Variants in WDR7 observed in about 807,000 individuals in gnomAD.
WDR7 encodes WD repeat-containing protein 7.
A neutral mutation model predicts 169.4 loss-of-function variants in WDR7; 46 were observed. The observed-to-expected ratio is 0.27, with a 90% CI of 0.21 to 0.35. The LOEUF is 0.35. Ranked by LOEUF, WDR7 falls within the 10% of genes least tolerant of loss-of-function variation. The pLI, the probability that WDR7 is intolerant of heterozygous loss-of-function variation, is 1.00. For missense variants in WDR7, 1,534 were observed against 1,859.3 expected, an observed-to-expected ratio of 0.83 and a Z score of 3.22; for synonymous variants, 612 against 666.8, an observed-to-expected ratio of 0.92 and a Z score of 1.27.
chr18:56,782,616 A>T (rs67025826), intron 19 of WDR7, among the ~76,000 whole-genome samples: 11,077 of 152,212 alleles, frequency 0.073, 488 homozygotes, highest in East Asian at 0.18. Context: ...CCTGGGTTTT[A>T]GGTGGACTCA....
At chr18:56,875,642 C>A (rs2046012410) in intron 20 of WDR7, among the ~76,000 whole-genome samples, 1 of 152,166 alleles carries the variant, frequency 6.6e-6, no homozygotes. Context: ...TCCACAGACT[C>A]CTTCATGCTT....
rs2048380689 is a variant in WDR7, at chr18:57,027,302, C to T, written c.*95C>T. On this transcript the variant is annotated 3_prime_UTR_variant, in exon 28 of 28. Coordinates refer to ENST00000254442, the MANE Select transcript of WDR7 (RefSeq NM_015285.3). ...CCTCACACCAGATTGTTCCCAGGGG[C>T]CTGCCCACCCCAGTGCCATCCAGTG... is the stretch of plus-strand genomic sequence containing the variant. The T allele has an allele frequency of 2.8e-6, 4 of 1,451,876 alleles. No individual in the cohort carries two copies. In the South Asian group the frequency reaches 5.3e-5, roughly 19 times the overall value. The allele number at this position is 1,451,876 out of a possible 1,614,324, so 89.9% of individuals were successfully genotyped here. A position where few individuals can be genotyped will look rare whatever the true frequency, so the allele number is the denominator to read the frequency against.
intron 11 of WDR7, among the ~76,000 whole-genome samples, chr18:56,695,867 A>G (rs2025692193): frequency 6.6e-6 from 1 of 152,238 alleles, no homozygotes; most frequent in Admixed American, 6.5e-5. Flanking sequence ...GCTGTGTTAA[A>G]AAATAAAATG....
At chr18:56,817,215 G>A (rs541277294) in intron 20 of WDR7, among the ~76,000 whole-genome samples, 2 of 151,894 alleles carry the variant, frequency 1.3e-5, no homozygotes, top group East Asian at 3.9e-4. Context: ...TGTGGTGGTG[G>A]GCGCCTGTCA....
At position 56,686,898 on chromosome 18, in the gene WDR7, G is replaced by A; in HGVS notation, c.641G>A (p.Cys214Tyr). The A allele has an allele frequency of 6.2e-7, 1 of 1,610,286 alleles. No homozygotes were observed. Among genetic ancestry groups the A allele is most frequent in the Non-Finnish European group, 8.5e-7 (1 of 1,176,924 alleles). Residue 214 changes from cysteine (C) to tyrosine (Y), a missense_variant, in exon 7 of 28, where the codon TGT (cysteine) becomes TAT (tyrosine). Coordinates refer to ENST00000254442, the MANE Select transcript of WDR7 (RefSeq NM_015285.3). ...IFEEESKPIYCQNCQSISFCA... is the reference protein window; with the variant it reads ...IFEEESKPIYYQNCQSISFCA... ...GAGGAGGAATCCAAACCAATTTATT[G>A]TCAGAATTGCCAAAGCATCTCTTTT...
chr18:56,715,221 C>A (rs2026165872), intron 12 of WDR7, among the ~76,000 whole-genome samples: 1 of 152,100 alleles, frequency 6.6e-6, no homozygotes, highest in South Asian at 2.1e-4. Context: ...GTAAGGAGAT[C>A]TTTGACAGAG....
At chr18:56,974,361 G>GTTT (rs2047535161) in intron 26 of WDR7, among the ~76,000 whole-genome samples, 1 of 121,336 alleles carries the variant, frequency 8.2e-6, no homozygotes, top group African/African-American at 3.8e-5. Context: ...TGCTTTTCTT[G>GTTT]CTTTTTTTTT....
chr18:56,867,792 G>A (rs1465911184), intron 20 of WDR7, among the ~76,000 whole-genome samples: 2 of 152,012 alleles, frequency 1.3e-5, no homozygotes, highest in Admixed American at 6.6e-5. Context: ...GTTAAACATT[G>A]GAATAATTGT....
intron 19 of WDR7, among the ~76,000 whole-genome samples, chr18:56,811,896 T>C (rs1473423142): frequency 1.3e-5 from 2 of 152,162 alleles, no homozygotes; most frequent in East Asian, 3.8e-4. Flanking sequence ...TAAAATGGGG[T>C]AAAATGACTT....
At chr18:56,992,330 A>G (rs2047829975) in intron 26 of WDR7, among the ~76,000 whole-genome samples, 1 of 152,246 alleles carries the variant, frequency 6.6e-6, no homozygotes, top group African/African-American at 2.4e-5. Context: ...AAACTATGGA[A>G]TATCTTTATG....
At chr18:56,979,113 T>C (rs895209854) in intron 26 of WDR7, among the ~76,000 whole-genome samples, 1 of 152,292 alleles carries the variant, frequency 6.6e-6, no homozygotes, top group Middle Eastern at 3.4e-3. Context: ...GGAAAACCTA[T>C]GATATTGCCG....
At chr18:56,851,946 G>A (rs1031200523) in intron 20 of WDR7, among the ~76,000 whole-genome samples, 1 of 152,166 alleles carries the variant, frequency 6.6e-6, no homozygotes, top group Admixed American at 6.5e-5. Flanking sequence ...TTGGTAGATA[G>A]TGCTGTTGAA....
At position 56,903,539 on chromosome 18, in the gene WDR7, C is replaced by T. The variant is rs537505254; in HGVS notation, c.3527-20383C>T. On this transcript the variant is annotated intron_variant, in intron 21 of 27. Coordinates refer to ENST00000254442, the MANE Select transcript of WDR7 (RefSeq NM_015285.3). ...GGTTCAAGTGATTCTTCTGCCTCAG[C>T]CTCCCGAGTAGCTGGGATTACAGGC... is the stretch of plus-strand genomic sequence containing the variant. Among the ~76,000 whole-genome samples the T allele has an allele frequency of 2.8e-4, 42 of 152,266 alleles. No individual in the cohort carries two copies. The South Asian group carries it at 7.3e-3, about 26-fold the overall frequency.
intron 23 of WDR7, 82 bp downstream of exon 23, chr18:56,935,987 A>C (rs181617504): frequency 4.8e-6 from 6 of 1,251,940 alleles, no homozygotes; most frequent in Middle Eastern, 2.1e-4. Context: ...CATATCCACA[A>C]ATCCCCTTTA....
At chr18:56,748,702 G>A (rs1300110839) in intron 14 of WDR7, among the ~76,000 whole-genome samples, 1 of 152,000 alleles carries the variant, frequency 6.6e-6, no homozygotes, top group Non-Finnish European at 1.5e-5. Context: ...TGACTGTATT[G>A]TCATTCACAC....
intron 26 of WDR7, among the ~76,000 whole-genome samples, chr18:57,019,550 A>G (rs2048257498): frequency 6.6e-6 from 1 of 152,156 alleles, no homozygotes; most frequent in Non-Finnish European, 1.5e-5. Context: ...AACAAGTGTT[A>G]TTTGGGACAC....
intron 23 of WDR7, 113 bp downstream of exon 23, chr18:56,936,018 C>A: frequency 2.0e-6 from 2 of 999,278 alleles, no homozygotes; most frequent in Non-Finnish European, 3.0e-6. Context: ...TAGAACAATG[C>A]AAGTTAATAA....
At chr18:56,972,817 A>G (rs1440773578) in intron 26 of WDR7, among the ~76,000 whole-genome samples, 1 of 151,728 alleles carries the variant, frequency 6.6e-6, no homozygotes, top group Non-Finnish European at 1.5e-5. Flanking sequence ...TATTTATCCC[A>G]CCACTCACAA....
rs1343850613 is a variant in WDR7, at chr18:57,028,528, A to C, written c.*1321A>C. The C allele has an allele frequency of 6.6e-6, 1 of 152,226 alleles. No individual in the cohort carries two copies. Among genetic ancestry groups the C allele is most frequent in the African/African-American group, 2.4e-5 (1 of 41,452 alleles). The allele number at this position is 152,226 out of a possible 1,614,324, so 9.4% of individuals were successfully genotyped here. On this transcript the variant is annotated 3_prime_UTR_variant, in exon 28 of 28. Coordinates refer to ENST00000254442, the MANE Select transcript of WDR7 (RefSeq NM_015285.3). ...TGTTGATTGGTTGGTTAGTTGGGCA[A>C]AATCATTTATTACATGCAAAAATAG...
Sources: allele counts gnomAD v4.1 joint callset (sites outside exome capture counted in the v4.1 genomes callset), GRCh38; gene constraint gnomAD v4.1.1; transcripts MANE v1.5; gene names NCBI Gene and HGNC (gene_info 2026-07-23, HGNC 2026-07-21).